NCKAP5: variants seen among roughly 807,000 people sequenced by gnomAD.
NCKAP5 encodes nck-associated protein 5.
In NCKAP5, 92 loss-of-function variants were observed where a neutral mutation model predicts 167.0. The ratio of observed to expected loss-of-function variants is 0.55; its 90% CI spans 0.47 to 0.66. The LOEUF (loss-of-function observed/expected upper bound fraction) is 0.66, where lower values mean the gene tolerates loss of function less well. NCKAP5 is among the 30% of genes least tolerant of loss of function. NCKAP5 has a pLI of 0.00. For synonymous variants in NCKAP5, 891 were observed against 877.4 expected (o/e 1.02, Z -0.27); for missense variants, 2,378 against 2,315.0 (o/e 1.03, Z -0.56).
At chr2:133,152,741 T>C (rs1322387767) in intron 5 of NCKAP5, among the ~76,000 whole-genome samples, 1 of 152,240 alleles carries the variant, frequency 6.6e-6, no homozygotes, top group Non-Finnish European at 1.5e-5. Flanking sequence ...AACAAAGTTT[T>C]GGTCAATGAC....
At chr2:133,042,961 G>A (rs762088167) in intron 6 of NCKAP5, among the ~76,000 whole-genome samples, 3 of 151,356 alleles carry the variant, frequency 2.0e-5, no homozygotes, top group Non-Finnish European at 4.5e-5. Flanking sequence ...ATAGTTGCAA[G>A]GTTATTTTTT....
At chr2:132,859,841 A>C (rs932719591) in intron 11 of NCKAP5, among the ~76,000 whole-genome samples, 1 of 152,168 alleles carries the variant, frequency 6.6e-6, no homozygotes, top group African/African-American at 2.4e-5. Flanking sequence ...CCCTCTCCCC[A>C]TTCATATGTT....
At chr2:133,550,488 G>A (rs917001049) in intron 2 of NCKAP5, among the ~76,000 whole-genome samples, 3 of 150,554 alleles carry the variant, frequency 2.0e-5, no homozygotes, top group African/African-American at 7.3e-5. Context: ...CAGAGCCAAA[G>A]ACAAAAACCA....
chr2:133,626,553 CTCAT>C, the NCKAP5 span, among the ~76,000 whole-genome samples: 21 of 150,668 alleles, frequency 1.4e-4, no homozygotes, highest in African/African-American at 3.9e-4. Flanking sequence ...TATTTGAATT[CTCAT>C]TCAAAGTATA....
chr2:133,487,833 G>A lies in NCKAP5; in HGVS notation c.69+29625C>T, dbSNP rs899229279. ...TAAAGTCCAGTTCTCAAAGACCCAC[G>A]ACCACCAAATTTCCCCTGTCTTTCA... On this transcript the variant is annotated intron_variant, in intron 3 of 19. Transcript: ENST00000409261. Among the ~76,000 whole-genome samples, 7 of 152,144 alleles carry A rather than the reference G, an allele frequency of 4.6e-5. No individual in the cohort carries two copies. In the East Asian group the frequency reaches 5.8e-4, roughly 13 times the overall value.
At chr2:132,776,120 T>C (rs1682525215) in intron 15 of NCKAP5, among the ~76,000 whole-genome samples, 1 of 152,204 alleles carries the variant, frequency 6.6e-6, no homozygotes, top group Non-Finnish European at 1.5e-5. Context: ...ATTGCTATAA[T>C]TCAATTTTTC....
rs1264421950 is a variant in NCKAP5, at chr2:133,385,840, T to C, written c.70-82730A>G. ...ATTTTCTAGTTTATTTGCATAGAGG[T>C]GTTTATAGTATTCTCTGATGGTAGT... On this transcript the variant is annotated intron_variant, in intron 3 of 19. Transcript: ENST00000409261. Among the ~76,000 whole-genome samples the C allele has an allele frequency of 2.0e-5, 3 of 152,288 alleles. No individual in the cohort carries two copies. In the East Asian group the frequency reaches 5.8e-4, roughly 29 times the overall value.
chr2:132,910,405 G>A (rs1400966769), intron 8 of NCKAP5, among the ~76,000 whole-genome samples: 9 of 151,104 alleles, frequency 6.0e-5, no homozygotes, highest in African/African-American at 9.7e-5. Flanking sequence ...CATCTCCCCC[G>A]AGCACGCCCC....
chr2:132,675,748 G>A (rs1684357631), intron 19 of NCKAP5, among the ~76,000 whole-genome samples: 2 of 151,342 alleles, frequency 1.3e-5, no homozygotes, highest in South Asian at 4.2e-4. Flanking sequence ...GTTTTCAAAT[G>A]TTTCAGGCTT....
At chr2:132,694,660 G>A (rs1687136184) in intron 19 of NCKAP5, among the ~76,000 whole-genome samples, 1 of 152,158 alleles carries the variant, frequency 6.6e-6, no homozygotes, top group African/African-American at 2.4e-5. Flanking sequence ...ACCTAAGAAT[G>A]ATAACCAAAC....
At chr2:133,218,522 T>A (rs764876112) in intron 4 of NCKAP5, among the ~76,000 whole-genome samples, 1 of 152,310 alleles carries the variant, frequency 6.6e-6, no homozygotes, top group African/African-American at 2.4e-5. Context: ...GTCTTGGAGA[T>A]ACCCAGGGTC....
chr2:133,274,792 A>T (rs1219600528), intron 4 of NCKAP5, among the ~76,000 whole-genome samples: 1 of 152,000 alleles, frequency 6.6e-6, no homozygotes, highest in African/African-American at 2.4e-5. Context: ...GGAAAAAAAA[A>T]AATTAGAATC....
intron 6 of NCKAP5, among the ~76,000 whole-genome samples, chr2:133,116,085 T>G (rs1481750714): frequency 1.3e-5 from 2 of 151,882 alleles, no homozygotes; most frequent in Non-Finnish European, 1.5e-5. Flanking sequence ...AATCAAGTAA[T>G]TCTGGAAAAG....
chr2:133,111,860 G>GA (rs546558920), intron 6 of NCKAP5, among the ~76,000 whole-genome samples: 43 of 152,102 alleles, frequency 2.8e-4, no homozygotes, highest in African/African-American at 9.4e-4. Flanking sequence ...TAAATTAGTG[G>GA]AAAAAAATCA....
In NCKAP5 at chr2:132,773,840, A is replaced by C; in HGVS notation, c.5104T>G (p.Ser1702Ala). 6.2e-7 allele frequency: 1 copy of C among 1,611,676 alleles called. No homozygotes were observed. Among genetic ancestry groups the C allele is most frequent in the African/African-American group, 1.3e-5 (1 of 74,958 alleles). ...CCTATGATGTGGCTCTGAAATACAG[A>C]ATCTGCAACTGCATCGTCTTCATCC... ...QEDEDDAVADSVFQSHIIESN... is the reference protein window; with the variant it reads ...QEDEDDAVADAVFQSHIIESN... Residue 1702 changes from serine (S) to alanine (A), a missense_variant, in exon 16 of 20, where the codon TCT (serine) becomes GCT (alanine). Physicochemically the swap from Ser to Ala is moderately conservative, Grantham distance 99 (BLOSUM62 1). This residue lies in a region of NCKAP5 where 1,325 missense variants were observed against 1,274.5 expected (regional missense o/e 1.04). Coordinates refer to ENST00000409261, the MANE Select transcript of NCKAP5 (RefSeq NM_207363.3).
chr2:133,473,989 G>T (rs1181601207), intron 3 of NCKAP5, among the ~76,000 whole-genome samples: 1 of 152,152 alleles, frequency 6.6e-6, no homozygotes, highest in Non-Finnish European at 1.5e-5. Context: ...AATGAAATTA[G>T]TATGAAAGAA....
intron 4 of NCKAP5, among the ~76,000 whole-genome samples, chr2:133,302,383 A>C: frequency 8.7e-5 from 1 of 11,496 alleles, no homozygotes; most frequent in Non-Finnish European, 1.7e-4. Flanking sequence ...AACCAACCCA[A>C]ATGTCCAACA....
intron 3 of NCKAP5, among the ~76,000 whole-genome samples, chr2:133,318,675 G>A (rs150769227): frequency 0.01 from 1,575 of 152,234 alleles, 14 homozygotes; most frequent in Middle Eastern, 0.027. Context: ...GAGAGAAATG[G>A]GACATACGGC....
At chr2:133,373,555 C>A (rs1208757796) in intron 3 of NCKAP5, among the ~76,000 whole-genome samples, 1 of 152,130 alleles carries the variant, frequency 6.6e-6, no homozygotes, top group African/African-American at 2.4e-5. Context: ...TGCATAATGA[C>A]AAACTAACTC....
Sources: gnomAD v4.1 joint callset for allele counts (sites outside exome capture counted in the v4.1 genomes callset) on GRCh38, gnomAD v4.1.1 for gene constraint, gnomAD v4.1.1 regional missense constraint, MANE v1.5 for transcripts, NCBI Gene and HGNC (gene_info 2026-07-23, HGNC 2026-07-21) for gene names.